CCDC112: variants seen among roughly 807,000 people sequenced by gnomAD.
CCDC112 encodes coiled-coil domain-containing protein 112.
CCDC112 carries 40 observed loss-of-function variants against 66.3 expected under a neutral mutation model. That is an observed-to-expected ratio of 0.60 (90% CI 0.47 to 0.79). The LOEUF (loss-of-function observed/expected upper bound fraction) is 0.79, where lower values mean the gene tolerates loss of function less well. Among genes scored for constraint, CCDC112 ranks in the 30% least tolerant of loss-of-function variants. The pLI, the probability that CCDC112 is intolerant of heterozygous loss-of-function variation, is 0.00. For missense variants in CCDC112, 659 were observed against 603.8 expected (o/e 1.09, Z -0.96); for synonymous variants, 214 against 197.2 (o/e 1.09, Z -0.71).
intron 1 of CCDC112, among the ~76,000 whole-genome samples, chr5:115,286,543 T>C (rs1197896128): frequency 3.3e-5 from 5 of 152,214 alleles, no homozygotes; most frequent in Admixed American, 3.3e-4. Context: ...TTTTCAATTC[T>C]CTTCATTATA....
At position 115,289,825 on chromosome 5, in the gene CCDC112, A is replaced by G. The variant is rs573918826; in HGVS notation, c.118-4917T>C. Among the ~76,000 whole-genome samples, 140 of 152,222 alleles carry G rather than the reference A, an allele frequency of 9.2e-4. 1 individual carries two copies. Among genetic ancestry groups the G allele is most frequent in the African/African-American group, 3.3e-3 (136 of 41,538 alleles). ...CAGCCTCCTAAGTAGCTGGGACCAC[A>G]AGCACACACCATCAAGCATGGCTAA... On this transcript the variant is annotated intron_variant, in intron 1 of 9. Transcript: ENST00000379611.
intron 1 of CCDC112, among the ~76,000 whole-genome samples, chr5:115,294,149 AT>A (rs1175536093): frequency 6.6e-6 from 1 of 152,252 alleles, no homozygotes; most frequent in Non-Finnish European, 1.5e-5. Context: ...CCCTGAGGAT[AT>A]TGTAAAATAA....
Position 115,275,502 on chromosome 5 carries a change from G to C in CCDC112, c.632C>G (p.Ala211Gly), listed in dbSNP as rs1350985605. 2 of 1,613,908 alleles carry C rather than the reference G, an allele frequency of 1.2e-6. No homozygotes were observed. The highest frequency in any genetic ancestry group is 1.7e-6 in the Non-Finnish European group (2 of 1,179,956). The part of the protein sequence containing the change: ...WALGNSETEK[A>G]FRAISSKVPV... ...AACTTTGCTTGAGATTGCTCTGAAA[G>C]CTTTCTCTGTTTCTGAATTACCCAA... Residue 211 changes from alanine to glycine, a missense_variant, in exon 6 of 10, where the codon GCT becomes GGT. Transcript: ENST00000379611.
intron 1 of CCDC112, among the ~76,000 whole-genome samples, chr5:115,288,826 C>T (rs1580808840): frequency 6.6e-6 from 1 of 152,116 alleles, no homozygotes; most frequent in East Asian, 1.9e-4. Context: ...AGCATTTACA[C>T]TTAAAAAATA....
At chr5:115,277,324 T>C (rs1266736713) in intron 3 of CCDC112, 2 of 240,706 alleles carry the variant, frequency 8.3e-6, no homozygotes, top group Admixed American at 5.3e-5. Flanking sequence ...TCTGTGTAGA[T>C]TGAGTTATTG....
At chr5:115,291,117 C>A (rs1362394219) in intron 1 of CCDC112, among the ~76,000 whole-genome samples, 2 of 152,096 alleles carry the variant, frequency 1.3e-5, no homozygotes, top group African/African-American at 4.8e-5. Context: ...CTTAATGATG[C>A]CTCTATCAGG....
intron 9 of CCDC112, 50 bp downstream of exon 9, chr5:115,268,832 C>A: frequency 1.0e-6 from 1 of 965,738 alleles, no homozygotes; most frequent in South Asian, 1.8e-5. Flanking sequence ...AAAATATAAA[C>A]ATGCAGCAAT....
At chr5:115,285,681 T>C (rs1000763453) in intron 1 of CCDC112, among the ~76,000 whole-genome samples, 2 of 152,174 alleles carry the variant, frequency 1.3e-5, no homozygotes. Flanking sequence ...CTGGATTTTA[T>C]TGAAGAGTTT....
chr5:115,296,259 G>C (rs1750151620), intron 1 of CCDC112, 168 bp downstream of exon 1: 2 of 1,298,344 alleles, frequency 1.5e-6, no homozygotes, highest in South Asian at 2.2e-5. Flanking sequence ...CTCTGCAAAA[G>C]CTGTTAAACG....
Position 115,267,605 on chromosome 5 carries a change from A to C in CCDC112, c.*271T>G, listed in dbSNP as rs2127046097. The C allele has an allele frequency of 3.1e-6, 1 of 318,106 alleles. No individual in the cohort carries two copies. The highest frequency in any genetic ancestry group is 6.3e-5 in the East Asian group (1 of 15,756). 19.7% of individuals were successfully genotyped at this position (318,106 alleles called of 1,614,324 possible). On this transcript the variant is annotated 3_prime_UTR_variant, in exon 10 of 10. Transcript: ENST00000379611. ...AACAAAATCTCTTTGAAATGTTTTCAGTATTTAAATTGAATAATGTTTCTA... is the reference window on the plus strand; with the variant it reads ...AACAAAATCTCTTTGAAATGTTTTCCGTATTTAAATTGAATAATGTTTCTA...
At chr5:115,292,280 G>A (rs749529491) in intron 1 of CCDC112, among the ~76,000 whole-genome samples, 4 of 152,110 alleles carry the variant, frequency 2.6e-5, no homozygotes, top group South Asian at 4.1e-4. Context: ...CAGATCTGGT[G>A]TTGAGTCTCT....
At chr5:115,286,590 A>AT (rs911037197) in intron 1 of CCDC112, among the ~76,000 whole-genome samples, 8 of 151,188 alleles carry the variant, frequency 5.3e-5, no homozygotes, top group East Asian at 1.9e-4. Flanking sequence ...TAAAGTAACT[A>AT]TTTTTTTTTA....
At chr5:115,279,565 C>G in intron 3 of CCDC112, 82 bp downstream of exon 3, 2 of 1,333,670 alleles carry the variant, frequency 1.5e-6, no homozygotes, top group East Asian at 4.6e-5. Context: ...ACAATACAGT[C>G]AATGCACAAA....
At chr5:115,295,452 G>A (rs1233740251) in intron 1 of CCDC112, among the ~76,000 whole-genome samples, 9 of 152,134 alleles carry the variant, frequency 5.9e-5, no homozygotes, top group Admixed American at 5.9e-4. Context: ...AATTATAGAG[G>A]ATGTGTGAGA....
At chr5:115,273,406 A>C (rs1410048612) in intron 6 of CCDC112, among the ~76,000 whole-genome samples, 2 of 152,090 alleles carry the variant, frequency 1.3e-5, no homozygotes, top group African/African-American at 4.8e-5. Context: ...ACATCTTAAA[A>C]CTCCGTAGAT....
chr5:115,281,025 ATT>A (rs61604275), intron 2 of CCDC112, among the ~76,000 whole-genome samples: 12 of 140,300 alleles, frequency 8.6e-5, no homozygotes, highest in Non-Finnish European at 1.3e-4. Flanking sequence ...TACATAGAGA[ATT>A]TTTTTTTTTT....
intron 2 of CCDC112, chr5:115,280,273 A>ATC (rs1432341652): frequency 1.3e-5 from 2 of 154,372 alleles, no homozygotes; most frequent in Non-Finnish European, 2.9e-5. Flanking sequence ...TATGTGGGAG[A>ATC]TCTCTGTACA....
At chr5:115,278,120 G>C (rs78790688) in intron 3 of CCDC112, among the ~76,000 whole-genome samples, 2,584 of 152,144 alleles carry the variant, frequency 0.017, 72 homozygotes, top group African/African-American at 0.058. Context: ...ACTTTGTAGG[G>C]TCTTACTGTT....
chr5:115,294,752 G>A (rs564657600), intron 1 of CCDC112, among the ~76,000 whole-genome samples: 1 of 152,290 alleles, frequency 6.6e-6, no homozygotes, highest in Admixed American at 6.5e-5. Context: ...GTGTTAGGCT[G>A]TAGAATTTGT....
Sources: allele counts gnomAD v4.1 joint callset (sites outside exome capture counted in the v4.1 genomes callset), GRCh38; gene constraint gnomAD v4.1.1; transcripts MANE v1.5; gene names NCBI Gene and HGNC (gene_info 2026-07-23, HGNC 2026-07-21).